The following RAF1 variants were observed in gnomAD, a reference collection of about 807,000 sequenced individuals.
The protein encoded by RAF1 is Raf-1 proto-oncogene, serine/threonine kinase, also known as RAF proto-oncogene serine/threonine-protein kinase.
Under a neutral mutation model 81.1 loss-of-function variants are expected in RAF1, and 27 were observed. The ratio of observed to expected loss-of-function variants is 0.33; its 90% CI spans 0.25 to 0.46. The LOEUF (loss-of-function observed/expected upper bound fraction) is 0.46, where lower values mean the gene tolerates loss of function less well. Among genes scored for constraint, RAF1 ranks in the 20% least tolerant of loss-of-function variants. RAF1 has a pLI of 1.00. For missense variants in RAF1, 598 were observed against 826.0 expected (o/e 0.72, Z 3.38); for synonymous variants, 298 against 294.0 (o/e 1.01, Z -0.14).
intron 1 of RAF1, among the ~76,000 whole-genome samples, chr3:12,644,522 CA>C (rs1431345494): frequency 6.6e-6 from 1 of 152,080 alleles, no homozygotes; most frequent in Non-Finnish European, 1.5e-5. Flanking sequence ...AACTTCTGTC[CA>C]AAAGAGAGTC....
intron 2 of RAF1, among the ~76,000 whole-genome samples, chr3:12,615,156 C>A (rs1028648963): frequency 6.6e-6 from 1 of 152,200 alleles, no homozygotes; most frequent in Non-Finnish European, 1.5e-5. Flanking sequence ...CAGAATGAAT[C>A]TGTATTTTAA....
chr3:12,618,685 T>A lies in RAF1; in HGVS notation c.37A>T (p.Asn13Tyr). Residue 13 changes from asparagine (N) to tyrosine (Y), a missense_variant, in exon 2 of 18, where the codon AAT becomes TAT. Asn to Tyr is a moderately radical substitution (Grantham distance 143, BLOSUM62 -2). Transcript: ENST00000442415. ...ACGGCATCTTTGAATCCAAAACCAT[T>A]GCTGATCGTCTTCCAAGCTCCCTGT... 6.2e-7 allele frequency: 1 copy of A among 1,614,206 alleles called. No individual in the cohort carries two copies. Among genetic ancestry groups the A allele is most frequent in the Non-Finnish European group, 8.5e-7 (1 of 1,180,042 alleles).
chr3:12,653,561 A>G (rs534514336), intron 1 of RAF1, among the ~76,000 whole-genome samples: 1 of 152,106 alleles, frequency 6.6e-6, no homozygotes, highest in African/African-American at 2.4e-5. Flanking sequence ...CCTGGCCAAC[A>G]TGATGAAACC....
At chr3:12,599,996 G>GC (rs1235424440) in intron 10 of RAF1, among the ~76,000 whole-genome samples, 156 bp downstream of exon 9, 3 of 152,234 alleles carry the variant, frequency 2.0e-5, no homozygotes, top group African/African-American at 7.2e-5. Context: ...ACTGTCTGAT[G>GC]CAAGTGTGCC....
Position 12,606,190 on chromosome 3 carries a change from T to C in RAF1, c.680+11A>G, listed in dbSNP as rs868108376. The C allele has an allele frequency of 5.6e-6, 9 of 1,605,758 alleles. No homozygotes were observed. The Middle Eastern group carries it at 1.2e-3, about 207-fold the overall frequency. On this transcript the variant is annotated intron_variant, in intron 6 of 17. Coordinates refer to ENST00000442415, the MANE Select transcript of RAF1 (RefSeq NM_001354689.3). Reference sequence around the variant, plus strand: ...AACTTTCTAAAAGAAAAGCTATAGGTAAAAAATTACCTAACAGGCATCCTG... The same window carrying C: ...AACTTTCTAAAAGAAAAGCTATAGGCAAAAAATTACCTAACAGGCATCCTG...
intron 1 of RAF1, among the ~76,000 whole-genome samples, chr3:12,662,887 T>TCTCCA (rs2060924353): frequency 1.3e-5 from 2 of 151,904 alleles, no homozygotes; most frequent in Non-Finnish European, 2.9e-5. Context: ...GGGCAGAGTC[T>TCTCCA]CTCCACTCAG....
At chr3:12,642,716 A>ACACACG (rs1316215743) in intron 1 of RAF1, among the ~76,000 whole-genome samples, 4 of 148,774 alleles carry the variant, frequency 2.7e-5, no homozygotes, top group African/African-American at 1.0e-4. Flanking sequence ...ACACACACAC[A>ACACACG]CACAAAATAG....
chr3:12,585,284 T>C, intron 15 of RAF1, 31 bp from the exon 15 acceptor site: 1 of 1,613,174 alleles, frequency 6.2e-7, no homozygotes, highest in Non-Finnish European at 8.5e-7. Context: ...CAAAAGTGCA[T>C]TTATCACCAT....
intron 1 of RAF1, among the ~76,000 whole-genome samples, chr3:12,660,530 T>G (rs1279983318): frequency 6.6e-6 from 1 of 152,030 alleles, no homozygotes; most frequent in African/African-American, 2.4e-5. Context: ...CCCAGGCTGG[T>G]CTCAAACTCC....
intron 1 of RAF1, among the ~76,000 whole-genome samples, chr3:12,655,007 C>CCG (rs937832088): frequency 6.7e-6 from 1 of 148,446 alleles, no homozygotes; most frequent in Non-Finnish European, 1.5e-5. Context: ...GAGACCCCCC[C>CCG]CCCGCCATCT....
chr3:12,598,386 A>C (rs1045753656), intron 11 of RAF1, among the ~76,000 whole-genome samples: 1 of 152,176 alleles, frequency 6.6e-6, no homozygotes, highest in Admixed American at 6.5e-5. Context: ...AATCCTCTTA[A>C]GGAACTAGAA....
intron 5 of RAF1, among the ~76,000 whole-genome samples, chr3:12,607,949 CAAAA>C (rs58308841): frequency 2.0e-3 from 134 of 66,846 alleles, no homozygotes; most frequent in African/African-American, 3.3e-3. Flanking sequence ...GACTTGTCTC[CAAAA>C]AAAAAAAAAA....
intron 1 of RAF1, among the ~76,000 whole-genome samples, chr3:12,659,144 A>G (rs1487227312): frequency 6.6e-6 from 1 of 152,094 alleles, no homozygotes; most frequent in African/African-American, 2.4e-5. Context: ...CATGAGAATT[A>G]CAAGGCAAGA....
intron 1 of RAF1, among the ~76,000 whole-genome samples, chr3:12,649,932 G>A (rs1461993990): frequency 6.6e-6 from 1 of 151,914 alleles, no homozygotes; most frequent in African/African-American, 2.4e-5. Context: ...AGATCACCAG[G>A]TCAGGAGTTC....
intron 11 of RAF1, among the ~76,000 whole-genome samples, chr3:12,597,571 T>C (rs1449314478): frequency 6.6e-5 from 10 of 152,144 alleles, no homozygotes; most frequent in Non-Finnish European, 7.4e-5. Context: ...TCCCACAAAG[T>C]GCTTGTGTTC....
At chr3:12,613,560 C>T (rs1326044519) in intron 2 of RAF1, among the ~76,000 whole-genome samples, 3 of 152,144 alleles carry the variant, frequency 2.0e-5, no homozygotes, top group Non-Finnish European at 2.9e-5. Context: ...ACTCCAGCCA[C>T]CTCAATGCCA....
At chr3:12,650,525 CA>C (rs372385506) in intron 1 of RAF1, among the ~76,000 whole-genome samples, 1 of 152,242 alleles carries the variant, frequency 6.6e-6, no homozygotes, top group Non-Finnish European at 1.5e-5. Context: ...GAATCACTAT[CA>C]CATAAATCTA....
At chr3:12,612,124 C>T in intron 2 of RAF1, 62 bp from the exon 3 acceptor site, 2 of 1,328,198 alleles carry the variant, frequency 1.5e-6, no homozygotes, top group Non-Finnish European at 2.2e-6. Flanking sequence ...GAAAGGTGGG[C>T]ACAGAAATAA....
In RAF1 at chr3:12,618,689, G is replaced by A. The variant is rs768871748; in HGVS notation, c.33C>T (p.Ile11=). Residue 11 remains isoleucine, a synonymous_variant, in exon 2 of 18, where the codon ATC becomes ATT. Transcript: ENST00000442415. ...CATCTTTGAATCCAAAACCATTGCT[G>A]ATCGTCTTCCAAGCTCCCTGTATGT... The A allele has an allele frequency of 2.0e-5, 32 of 1,614,170 alleles. No homozygotes were observed. The highest frequency in any genetic ancestry group is 2.5e-5 in the Non-Finnish European group (30 of 1,180,036).
Sources: gnomAD v4.1 joint callset for allele counts (sites outside exome capture counted in the v4.1 genomes callset) on GRCh38, gnomAD v4.1.1 for gene constraint, MANE v1.5 for transcripts, NCBI Gene and HGNC (gene_info 2026-07-23, HGNC 2026-07-21) for gene names.